The following RASSF6 variants were observed in gnomAD, a reference collection of about 807,000 sequenced individuals.
The protein encoded by RASSF6 is Ras association domain family member 6.
Under a neutral mutation model 44.0 loss-of-function variants are expected in RASSF6, and 52 were observed. The ratio of observed to expected loss-of-function variants is 1.18; its 90% CI spans 0.95 to 1.49. RASSF6 has a LOEUF of 1.49. Among genes scored for constraint, RASSF6 ranks in the 40% most tolerant of loss-of-function variants. The probability of loss-of-function intolerance (pLI) is 0.00; values close to 1 mark genes in which losing one functional copy is unlikely to be tolerated. For synonymous variants in RASSF6, 162 were observed against 124.6 expected (o/e 1.30, Z -2.00); for missense variants, 464 against 393.3 (o/e 1.18, Z -1.52).
intron 1 of RASSF6, among the ~76,000 whole-genome samples, chr4:73,619,878 G>C (rs911457402): frequency 2.0e-5 from 3 of 151,934 alleles, no homozygotes; most frequent in Non-Finnish European, 4.4e-5. Flanking sequence ...TCTTTCCAGT[G>C]CGATGATTCA....
intron 6 of RASSF6, among the ~76,000 whole-genome samples, chr4:73,583,747 A>T (rs1225576201): frequency 7.0e-6 from 1 of 143,114 alleles, no homozygotes; most frequent in African/African-American, 2.6e-5. Flanking sequence ...AACATAAGCT[A>T]ATGTAGACCG....
intron 1 of RASSF6, among the ~76,000 whole-genome samples, chr4:73,612,668 G>A (rs2149398575): frequency 6.6e-6 from 1 of 152,068 alleles, no homozygotes; most frequent in South Asian, 2.1e-4. Context: ...TAAAATCTCT[G>A]ATGCATATTT....
Position 73,576,498 on chromosome 4 carries a change from A to G in RASSF6, c.850T>C (p.Tyr284His), listed in dbSNP as rs1458934083. 1 of 1,577,444 alleles carries G rather than the reference A, an allele frequency of 6.3e-7. No individual in the cohort carries two copies. The highest frequency in any genetic ancestry group is 1.8e-5 in the Admixed American group (1 of 55,428). Residue 284 changes from tyrosine (Y) to histidine (H), a missense_variant, in exon 10 of 11, where the codon TAC (tyrosine) becomes CAC (histidine). Transcript: ENST00000307439. ...AAGAGAGAAAAGTGAAAGTTAATGT[A>G]CTGAGCCACCTAAGAAAGAAGAAGA... ...AEEISSDVAQ[Y>H]INFHFSLLES... is the part of the protein sequence containing the mutation.
chr4:73,609,941 A>G (rs916341384), intron 2 of RASSF6, among the ~76,000 whole-genome samples: 2 of 152,166 alleles, frequency 1.3e-5, no homozygotes, highest in African/African-American at 4.8e-5. Context: ...TCAGAATCAC[A>G]TGATTAGTTC....
chr4:73,615,783 G>T, intron 1 of RASSF6: 1 of 849,054 alleles, frequency 1.2e-6, no homozygotes, highest in Non-Finnish European at 1.9e-6. Flanking sequence ...TCTGGATGGA[G>T]CCTGAGGAGG....
chr4:73,599,969 T>A (rs1196440535), intron 2 of RASSF6, among the ~76,000 whole-genome samples: 1 of 152,154 alleles, frequency 6.6e-6, no homozygotes, highest in African/African-American at 2.4e-5. Context: ...TTGGGGCCTT[T>A]GCACTTGCTG....
chr4:73,606,681 G>A (rs1403512234), intron 2 of RASSF6, among the ~76,000 whole-genome samples: 1 of 151,276 alleles, frequency 6.6e-6, no homozygotes, highest in African/African-American at 2.4e-5. Context: ...GTAAACACAG[G>A]TGTGCCACAC....
chr4:73,582,008 A>T, intron 7 of RASSF6, 140 bp from the exon 8 acceptor site: 1 of 701,178 alleles, frequency 1.4e-6, no homozygotes, highest in East Asian at 2.7e-5. Context: ...TCTTATGGGA[A>T]TTATATAATT....
intron 1 of RASSF6, among the ~76,000 whole-genome samples, chr4:73,613,620 G>A (rs1016475189): frequency 6.6e-6 from 1 of 151,952 alleles, no homozygotes; most frequent in Admixed American, 6.6e-5. Context: ...CTCCATCCAT[G>A]TTCCAAGAGC....
chr4:73,613,445 G>T (rs1441137722), intron 1 of RASSF6, among the ~76,000 whole-genome samples: 4 of 152,146 alleles, frequency 2.6e-5, no homozygotes, highest in African/African-American at 9.7e-5. Flanking sequence ...TCTCAAACTT[G>T]AGTTTTGCCC....
intron 3 of RASSF6, among the ~76,000 whole-genome samples, chr4:73,597,676 G>A (rs993079089): frequency 6.6e-6 from 1 of 152,140 alleles, no homozygotes; most frequent in Non-Finnish European, 1.5e-5. Flanking sequence ...TCACACATAT[G>A]TTCATTGCAG....
intron 1 of RASSF6, 45 bp from the exon 2 acceptor site, chr4:73,611,874 A>C: frequency 1.6e-6 from 2 of 1,284,870 alleles, no homozygotes; most frequent in Non-Finnish European, 2.2e-6. Context: ...ATAATGCATT[A>C]AAAAATTAGT....
chr4:73,580,314 A>G (rs1233851691), intron 8 of RASSF6, among the ~76,000 whole-genome samples: 7 of 150,714 alleles, frequency 4.6e-5, no homozygotes, highest in African/African-American at 1.5e-4. Flanking sequence ...GCTATTGTGA[A>G]TAATGCCGCA....
At chr4:73,605,540 G>A (rs905569122) in intron 2 of RASSF6, among the ~76,000 whole-genome samples, 1 of 152,196 alleles carries the variant, frequency 6.6e-6, no homozygotes, top group African/African-American at 2.4e-5. Flanking sequence ...AAGAAAGAAT[G>A]CTTTTCAATC....
At chr4:73,591,913 T>C (rs1320092105) in intron 4 of RASSF6, among the ~76,000 whole-genome samples, 1 of 151,046 alleles carries the variant, frequency 6.6e-6, no homozygotes, top group Admixed American at 6.6e-5. Context: ...ACCGAGAAGC[T>C]TGCACTATAG....
chr4:73,603,599 T>C (rs1725425353), intron 2 of RASSF6, among the ~76,000 whole-genome samples: 1 of 152,230 alleles, frequency 6.6e-6, no homozygotes, highest in African/African-American at 2.4e-5. Flanking sequence ...GTGTACTTTG[T>C]ACTTTGTGGC....
chr4:73,582,240 G>C lies in RASSF6; in HGVS notation c.618C>G (p.Asn206Lys). 1 of 1,598,546 alleles carries C rather than the reference G, an allele frequency of 6.3e-7. No individual in the cohort carries two copies. The highest frequency in any genetic ancestry group is 8.5e-7 in the Non-Finnish European group (1 of 1,170,406). ...TTACTTCTTCAGTTCTCATGTTACT[G>C]TTTACTCTGACCTTAGTTTCTGATT... ...AFESETKVRV[N>K]SNMRTEEVIK... is the part of the protein sequence containing the mutation. Residue 206 changes from asparagine (N) to lysine (K), a missense_variant, in exon 7 of 11, where the codon AAC becomes AAG. By Grantham distance (94) the Asn-to-Lys change is moderately conservative (BLOSUM62 0). Transcript: ENST00000307439.
chr4:73,583,388 A>G (rs1005991034), intron 6 of RASSF6, among the ~76,000 whole-genome samples: 9 of 152,150 alleles, frequency 5.9e-5, no homozygotes, highest in Non-Finnish European at 1.2e-4. Flanking sequence ...GAAACCTGCT[A>G]TCATTTACTA....
chr4:73,593,637 T>G, intron 3 of RASSF6, 44 bp from the exon 4 acceptor site: 1 of 1,574,946 alleles, frequency 6.3e-7, no homozygotes, highest in Non-Finnish European at 8.7e-7. Flanking sequence ...TTGTATTATT[T>G]ATAGACGGTA....
Sources: allele counts gnomAD v4.1 joint callset (sites outside exome capture counted in the v4.1 genomes callset), GRCh38; gene constraint gnomAD v4.1.1; transcripts MANE v1.5; gene names NCBI Gene and HGNC (gene_info 2026-07-23, HGNC 2026-07-21).